Variants in SLC35D4 observed in about 807,000 individuals in gnomAD.
The protein encoded by SLC35D4 is solute carrier family 35 member D4, also known as UDP-N-acetylglucosamine transporter SLC35D4.
the SLC35D4 span, among the ~76,000 whole-genome samples, chr18:23,325,679 G>C: frequency 1.4e-4 from 21 of 152,164 alleles, no homozygotes; most frequent in Non-Finnish European, 2.8e-4. Context: ...GCCACATCAA[G>C]GTCCAATGTA....
chr18:23,270,143 C>T, the SLC35D4 span, among the ~76,000 whole-genome samples: 3 of 152,310 alleles, frequency 2.0e-5, no homozygotes, highest in African/African-American at 7.2e-5. Context: ...GCCCAGGGCT[C>T]CCTGCTGTGG....
At chr18:23,245,005 C>A in the SLC35D4 span, among the ~76,000 whole-genome samples, 1 of 152,204 alleles carries the variant, frequency 6.6e-6, no homozygotes, top group South Asian at 2.1e-4. Context: ...GGAATCAGAC[C>A]AACAACCTGT....
the SLC35D4 span, among the ~76,000 whole-genome samples, chr18:23,379,362 G>C: frequency 6.6e-6 from 1 of 152,104 alleles, no homozygotes; most frequent in South Asian, 2.1e-4. Context: ...GGCCTCAAGT[G>C]ATCTGCCTGC....
the SLC35D4 span, among the ~76,000 whole-genome samples, chr18:23,393,201 C>G: frequency 1.3e-5 from 2 of 152,106 alleles, no homozygotes; most frequent in Non-Finnish European, 2.9e-5. Context: ...AGGCGTGAGC[C>G]ACCGAGCCTG....
At chr18:23,364,920 A>G in the SLC35D4 span, among the ~76,000 whole-genome samples, 293 of 2,314 alleles carry the variant, frequency 0.13, 51 homozygotes, top group South Asian at 0.52. Context: ...AAAAAAAAAA[A>G]AAAAAAAAAA....
chr18:23,354,345 C>CAAAAAA, the SLC35D4 span, among the ~76,000 whole-genome samples: 22 of 99,112 alleles, frequency 2.2e-4, no homozygotes, highest in Admixed American at 3.8e-4. Flanking sequence ...ACTAAAAATA[C>CAAAAAA]AAAAAAAAAA....
chr18:23,278,203 T>C, the SLC35D4 span, among the ~76,000 whole-genome samples: 1 of 152,088 alleles, frequency 6.6e-6, no homozygotes, highest in African/African-American at 2.4e-5. Context: ...CCCCACATAC[T>C]CCCGCAACCT....
At chr18:23,324,272 T>G in the SLC35D4 span, among the ~76,000 whole-genome samples, 1 of 152,148 alleles carries the variant, frequency 6.6e-6, no homozygotes, top group Non-Finnish European at 1.5e-5. Flanking sequence ...ACCTTGCTCT[T>G]GGCTTACTCT....
At chr18:23,402,871 C>T in the SLC35D4 span, among the ~76,000 whole-genome samples, 1 of 151,934 alleles carries the variant, frequency 6.6e-6, no homozygotes, top group African/African-American at 2.4e-5. Flanking sequence ...CTTTGGGAGG[C>T]CGAGATGGGC....
the SLC35D4 span, among the ~76,000 whole-genome samples, chr18:23,279,805 A>C: frequency 6.6e-5 from 10 of 152,172 alleles, no homozygotes; most frequent in Admixed American, 5.2e-4. Context: ...TATGTGTAAA[A>C]TATATTTAAT....
At chr18:23,250,331 G>C in the SLC35D4 span, among the ~76,000 whole-genome samples, 2 of 113,066 alleles carry the variant, frequency 1.8e-5, no homozygotes, top group Admixed American at 1.9e-4. Context: ...GGAGTTCAGG[G>C]TGCCTGGATT....
chr18:23,430,949 T>A, the SLC35D4 span, among the ~76,000 whole-genome samples: 1 of 150,274 alleles, frequency 6.7e-6, no homozygotes, highest in Admixed American at 6.6e-5. Flanking sequence ...AGGTGAGGAG[T>A]TCGAGACCAG....
At chr18:23,436,675 C>G in the SLC35D4 span, among the ~76,000 whole-genome samples, 2 of 152,012 alleles carry the variant, frequency 1.3e-5, no homozygotes, top group Non-Finnish European at 2.9e-5. Context: ...CACCTGTAGC[C>G]CCAGCTACTC....
At chr18:23,352,672 A>AC in the SLC35D4 span, among the ~76,000 whole-genome samples, 3 of 152,182 alleles carry the variant, frequency 2.0e-5, no homozygotes, top group Non-Finnish European at 4.4e-5. Flanking sequence ...GCAGGAAAAG[A>AC]CTTCCAAAGG....
chr18:23,324,708 C>T, the SLC35D4 span, among the ~76,000 whole-genome samples: 1,265 of 152,170 alleles, frequency 8.3e-3, 15 homozygotes, highest in African/African-American at 0.03. Context: ...CTGTGCTAAG[C>T]CTAAAGGGCA....
the SLC35D4 span, chr18:23,258,308 G>C: frequency 1.3e-5 from 2 of 152,754 alleles, no homozygotes; most frequent in Admixed American, 1.3e-4. Context: ...CACATTTACT[G>C]TGCTATCTAT....
the SLC35D4 span, among the ~76,000 whole-genome samples, chr18:23,249,651 A>G: frequency 6.6e-6 from 1 of 152,114 alleles, no homozygotes; most frequent in Admixed American, 6.5e-5. Context: ...CAGCCCCATC[A>G]GGTTTTCTCA....
chr18:23,311,539 G>T, the SLC35D4 span, among the ~76,000 whole-genome samples: 2 of 152,106 alleles, frequency 1.3e-5, no homozygotes, highest in South Asian at 4.1e-4. Flanking sequence ...GAGTTCATCA[G>T]CTTCTCTGCT....
the SLC35D4 span, among the ~76,000 whole-genome samples, chr18:23,386,311 A>T: frequency 7.2e-5 from 11 of 152,174 alleles, no homozygotes; most frequent in African/African-American, 2.2e-4. Flanking sequence ...GCAGTCACAC[A>T]TATCCTTATA....
Sources: allele counts gnomAD v4.1 joint callset (sites outside exome capture counted in the v4.1 genomes callset), GRCh38; gene constraint gnomAD v4.1.1; transcripts MANE v1.5; gene names NCBI Gene and HGNC (gene_info 2026-07-23, HGNC 2026-07-21).